The following PCCA variants were observed in gnomAD, a reference collection of about 807,000 sequenced individuals.
The protein encoded by PCCA is propionyl-CoA carboxylase alpha chain, mitochondrial.
In PCCA, 74 loss-of-function variants were observed where a neutral mutation model predicts 101.3. The observed-to-expected ratio is 0.73, with a 90% CI of 0.61 to 0.89. The LOEUF is 0.89. Among genes scored for constraint, PCCA ranks in the 40% least tolerant of loss-of-function variants. PCCA has a pLI of 0.00. For missense variants in PCCA, 891 were observed against 907.0 expected (o/e 0.98, Z 0.23); for synonymous variants, 294 against 313.6 (o/e 0.94, Z 0.66).
chr13:100,298,466 C>T (rs2065737334), intron 12 of PCCA, among the ~76,000 whole-genome samples: 1 of 152,156 alleles, frequency 6.6e-6, no homozygotes, highest in Non-Finnish European at 1.5e-5. Flanking sequence ...ATATTAGCAT[C>T]AGACTTCTGT....
chr13:100,415,724 A>G (rs1474803378), intron 19 of PCCA, among the ~76,000 whole-genome samples: 2 of 152,246 alleles, frequency 1.3e-5, no homozygotes, highest in East Asian at 3.8e-4. Context: ...GTGTATGACA[A>G]AAAGAATGAC....
intron 8 of PCCA, 131 bp downstream of exon 8, chr13:100,236,009 C>G: frequency 1.5e-6 from 1 of 680,668 alleles, no homozygotes; most frequent in East Asian, 2.8e-5. Flanking sequence ...ACTTGTTGCT[C>G]TGGAAGAATG....
At chr13:100,523,260 C>G (rs1461683511) in intron 22 of PCCA, among the ~76,000 whole-genome samples, 1 of 152,152 alleles carries the variant, frequency 6.6e-6, no homozygotes, top group Non-Finnish European at 1.5e-5. Flanking sequence ...AAATCATTAG[C>G]ACAACAAAGC....
intron 7 of PCCA, among the ~76,000 whole-genome samples, chr13:100,233,456 A>G (rs2060608848): frequency 6.6e-6 from 1 of 152,138 alleles, no homozygotes; most frequent in Non-Finnish European, 1.5e-5. Context: ...GAGTTTGATT[A>G]AAGTTTTTTA....
chr13:100,190,132 G>A (rs2057637583), intron 6 of PCCA, among the ~76,000 whole-genome samples: 1 of 152,150 alleles, frequency 6.6e-6, no homozygotes, highest in Non-Finnish European at 1.5e-5. Context: ...ATGATACAAT[G>A]AGAGCACTGT....
chr13:100,347,757 G>A (rs2072499237), intron 18 of PCCA, among the ~76,000 whole-genome samples: 1 of 152,080 alleles, frequency 6.6e-6, no homozygotes, highest in Non-Finnish European at 1.5e-5. Context: ...TATGTAGACT[G>A]CAAGTTCACT....
chr13:100,108,068 C>CA (rs1466389122), intron 2 of PCCA, among the ~76,000 whole-genome samples: 3 of 152,160 alleles, frequency 2.0e-5, no homozygotes, highest in Non-Finnish European at 2.9e-5. Flanking sequence ...GTACCCAGTG[C>CA]AGGGCCAGCT....
At chr13:100,096,341 G>T (rs187410259) in intron 1 of PCCA, among the ~76,000 whole-genome samples, 1 of 152,144 alleles carries the variant, frequency 6.6e-6, no homozygotes, top group Non-Finnish European at 1.5e-5. Context: ...ATATTTTGGG[G>T]TGCCGTGAAC....
intron 7 of PCCA, among the ~76,000 whole-genome samples, chr13:100,213,412 C>A (rs2059341351): frequency 6.6e-6 from 1 of 152,172 alleles, no homozygotes; most frequent in Admixed American, 6.5e-5. Flanking sequence ...TATTGCCTGT[C>A]TTTTGGATAA....
At chr13:100,515,363 A>G (rs185327997) in intron 21 of PCCA, 64 bp from the exon 22 acceptor site, 3 of 1,457,310 alleles carry the variant, frequency 2.1e-6, no homozygotes, top group African/African-American at 2.8e-5. Flanking sequence ...TTTAGAATGA[A>G]TGCTACTTTT....
chr13:100,424,323 C>T (rs1324576648), intron 19 of PCCA, among the ~76,000 whole-genome samples: 3 of 152,052 alleles, frequency 2.0e-5, no homozygotes, highest in African/African-American at 4.8e-5. Context: ...GGGTGGTGCT[C>T]CTGGAACCCG....
intron 21 of PCCA, among the ~76,000 whole-genome samples, chr13:100,476,516 C>G (rs1444980749): frequency 6.6e-6 from 1 of 152,156 alleles, no homozygotes; most frequent in Non-Finnish European, 1.5e-5. Context: ...TTGAAATTAG[C>G]AGAAGTGAGG....
intron 16 of PCCA, among the ~76,000 whole-genome samples, chr13:100,328,333 G>A (rs2068955048): frequency 6.6e-6 from 1 of 150,702 alleles, no homozygotes; most frequent in African/African-American, 2.4e-5. Flanking sequence ...ACTGCACTCT[G>A]ACCTGGGCGA....
chr13:100,397,141 G>A, intron 19 of PCCA, among the ~76,000 whole-genome samples: 1 of 152,134 alleles, frequency 6.6e-6, no homozygotes, highest in East Asian at 1.9e-4. Flanking sequence ...AATTATTAGA[G>A]TGGCCATTAT....
intron 18 of PCCA, among the ~76,000 whole-genome samples, chr13:100,348,414 G>A (rs1263149597): frequency 6.6e-6 from 1 of 152,064 alleles, no homozygotes; most frequent in Non-Finnish European, 1.5e-5. Flanking sequence ...AATTTGATGA[G>A]CTCAATCTTT....
At chr13:100,518,852 C>T (rs1050569163) in intron 22 of PCCA, among the ~76,000 whole-genome samples, 1 of 152,188 alleles carries the variant, frequency 6.6e-6, no homozygotes, top group Non-Finnish European at 1.5e-5. Flanking sequence ...TCAAAGTTAG[C>T]ATGACTCAGC....
At chr13:100,517,046 C>CGT (rs3840814) in intron 22 of PCCA, among the ~76,000 whole-genome samples, 18,358 of 132,352 alleles carry the variant, frequency 0.14, 1,282 homozygotes, top group East Asian at 0.2. Context: ...ATTATAAAAT[C>CGT]GTGTGTGTGT....
At chr13:100,416,825 A>G in intron 19 of PCCA, among the ~76,000 whole-genome samples, 1 of 143,724 alleles carries the variant, frequency 7.0e-6, no homozygotes, top group Non-Finnish European at 1.5e-5. Flanking sequence ...GCGCCCGACC[A>G]GTATTATGTA....
chr13:100,466,837 G>A (rs538626860), intron 21 of PCCA, among the ~76,000 whole-genome samples: 17 of 152,038 alleles, frequency 1.1e-4, no homozygotes, highest in Non-Finnish European at 2.2e-4. Context: ...CAGCCTGGGC[G>A]ATAGAGGGAC....
Sources: allele counts gnomAD v4.1 joint callset (sites outside exome capture counted in the v4.1 genomes callset), GRCh38; gene constraint gnomAD v4.1.1; transcripts MANE v1.5; gene names NCBI Gene and HGNC (gene_info 2026-07-23, HGNC 2026-07-21).